The following MTHFD2L variants were observed in gnomAD, a reference collection of about 807,000 sequenced individuals.
The protein encoded by MTHFD2L is methylenetetrahydrofolate dehydrogenase (NADP+ dependent) 2 like.
MTHFD2L carries 29 observed loss-of-function variants against 34.9 expected under a neutral mutation model. The ratio of observed to expected loss-of-function variants is 0.83; its 90% confidence interval spans 0.62 to 1.13. The LOEUF (loss-of-function observed/expected upper bound fraction) is 1.13. MTHFD2L is among the 50% of genes most tolerant of loss of function. MTHFD2L has a pLI of 0.00. For synonymous variants in MTHFD2L, 167 were observed against 155.7 expected, an observed-to-expected ratio of 1.07 and a Z score of -0.54; for missense variants, 481 against 446.5, an observed-to-expected ratio of 1.08 and a Z score of -0.70.
intron 6 of MTHFD2L, among the ~76,000 whole-genome samples, chr4:74,258,226 A>G (rs1744265312): frequency 2.6e-5 from 4 of 152,168 alleles, no homozygotes; most frequent in Admixed American, 2.0e-4. Context: ...TCACCCTTCT[A>G]AGTACGTAGC....
At chr4:74,204,694 T>A (rs1447697350) in intron 5 of MTHFD2L, among the ~76,000 whole-genome samples, 1 of 152,170 alleles carries the variant, frequency 6.6e-6, no homozygotes. Flanking sequence ...AATTATATAT[T>A]TGTCTATAAA....
At chr4:74,167,206 A>G (rs535293843) in intron 1 of MTHFD2L, among the ~76,000 whole-genome samples, 10 of 152,340 alleles carry the variant, frequency 6.6e-5, no homozygotes, top group African/African-American at 2.4e-4. Context: ...TCACCTGCCA[A>G]CTAATCCAAG....
At chr4:74,163,767 A>G (rs772219105) in intron 1 of MTHFD2L, among the ~76,000 whole-genome samples, 1 of 152,252 alleles carries the variant, frequency 6.6e-6, no homozygotes, top group Non-Finnish European at 1.5e-5. Flanking sequence ...AACTCAAGAC[A>G]TCGAAGATAT....
chr4:74,251,118 C>G (rs1743247752), intron 6 of MTHFD2L, among the ~76,000 whole-genome samples: 1 of 152,174 alleles, frequency 6.6e-6, no homozygotes, highest in Admixed American at 6.5e-5. Context: ...AAGATGAACT[C>G]AGACTCATCT....
intron 1 of MTHFD2L, among the ~76,000 whole-genome samples, chr4:74,148,602 C>T (rs907961342): frequency 4.0e-5 from 6 of 151,724 alleles, no homozygotes; most frequent in East Asian, 1.9e-4. Context: ...TGGGCTCAAG[C>T]GATTCATCCA....
chr4:74,163,757 A>G (rs1350671046), intron 1 of MTHFD2L, among the ~76,000 whole-genome samples: 2 of 152,226 alleles, frequency 1.3e-5, no homozygotes, highest in African/African-American at 4.8e-5. Flanking sequence ...CTATTGTACA[A>G]ACTCAAGACA....
chr4:74,253,300 TG>T (rs1165824863), intron 6 of MTHFD2L, among the ~76,000 whole-genome samples: 1 of 152,204 alleles, frequency 6.6e-6, no homozygotes, highest in East Asian at 1.9e-4. Context: ...TAATTATATT[TG>T]GGGTGACATC....
chr4:74,175,951 C>T (rs1259897122), intron 3 of MTHFD2L, among the ~76,000 whole-genome samples: 4 of 151,940 alleles, frequency 2.6e-5, no homozygotes, highest in African/African-American at 9.7e-5. Context: ...ATGGAATGGG[C>T]ATCTTTTCTA....
intron 3 of MTHFD2L, among the ~76,000 whole-genome samples, chr4:74,187,216 A>C (rs900909110): frequency 6.6e-6 from 1 of 152,210 alleles, no homozygotes; most frequent in African/African-American, 2.4e-5. Flanking sequence ...CCAGGAAAAG[A>C]ATCAGTAAGC....
intron 6 of MTHFD2L, 152 bp from the exon 7 acceptor site, chr4:74,281,273 G>A: frequency 1.4e-6 from 1 of 726,866 alleles, no homozygotes; most frequent in Non-Finnish European, 2.1e-6. Flanking sequence ...TATTCTCTCG[G>A]ATCAGAAATC....
chr4:74,164,134 C>G (rs551563987), intron 1 of MTHFD2L, among the ~76,000 whole-genome samples: 21 of 152,290 alleles, frequency 1.4e-4, no homozygotes, highest in African/African-American at 5.1e-4. Flanking sequence ...CCTCAGCCTC[C>G]CAAAGTGCTG....
In MTHFD2L at chr4:74,174,699, G is replaced by A; in HGVS notation, c.328+9G>A. 6.9e-7 allele frequency: 1 copy of A among 1,455,686 alleles called. No individual in the cohort carries two copies. The highest frequency in any genetic ancestry group is 9.1e-7 in the Non-Finnish European group (1 of 1,099,054). 90.2% of individuals were successfully genotyped at this position (1,455,686 alleles called of 1,614,324 possible). ...AGCTGCCTCTGCTGTAGGTGGGTGT[G>A]TGTTTTAGTTGTAATTACTACTAAA... On this transcript the variant is annotated intron_variant, in intron 2 of 7. Coordinates refer to ENST00000325278, the MANE Select transcript of MTHFD2L (RefSeq NM_001144978.3).
At chr4:74,156,191 T>C (rs1414522162), upstream of MTHFD2L, among the ~76,000 whole-genome samples, 1 of 152,132 alleles carries the variant, frequency 6.6e-6, no homozygotes, top group Non-Finnish European at 1.5e-5. Flanking sequence ...TCATACAAAA[T>C]AGTTTCACTG....
At position 74,238,669 on chromosome 4, in the gene MTHFD2L, T is replaced by C. The variant is rs979418688; in HGVS notation, c.805+13275T>C. Among the ~76,000 whole-genome samples the C allele has an allele frequency of 2.6e-5, 4 of 152,008 alleles. No individual in the cohort carries two copies. The South Asian group carries it at 6.2e-4, about 24-fold the overall frequency. ...AGAAAAAAACAACCCCATCAAAAAG[T>C]GGGCAAAGGATATGAACAGACAGTT... On this transcript the variant is annotated intron_variant, in intron 6 of 7. Transcript: ENST00000325278.
At chr4:74,224,098 T>G (rs1171882504) in intron 5 of MTHFD2L, 1 of 152,140 alleles carries the variant, frequency 6.6e-6, no homozygotes, top group African/African-American at 2.4e-5. Flanking sequence ...TCTGACTCCT[T>G]TATTACTTTC....
At position 74,174,592 on chromosome 4, in the gene MTHFD2L, T is replaced by C; in HGVS notation, c.230T>C (p.Leu77Pro). ...CGAGGTGTGGAATCATGGGTTTCCC[T>C]TGGAAACAGAAGACCTCACCTCAGT... ...IQRGVESWVSLGNRRPHLSII... is the reference protein window; with the variant it reads ...IQRGVESWVSPGNRRPHLSII... The change falls in exon 2 of 8, where the codon CTT (leucine) becomes CCT (proline). Residue 77 changes from leucine to proline, a missense_variant. Leu to Pro is a moderately conservative substitution (Grantham distance 98). Coordinates refer to ENST00000325278, the MANE Select transcript of MTHFD2L (RefSeq NM_001144978.3). 1.2e-6 allele frequency: 2 copies of C among 1,608,282 alleles called. No individual in the cohort carries two copies. The highest frequency in any genetic ancestry group is 1.7e-6 in the Non-Finnish European group (2 of 1,177,474).
At chr4:74,288,945 G>A (rs774525504) in intron 7 of MTHFD2L, among the ~76,000 whole-genome samples, 1 of 151,988 alleles carries the variant, frequency 6.6e-6, no homozygotes, top group Non-Finnish European at 1.5e-5. Flanking sequence ...ATCTTCACTG[G>A]CTTATTTTCA....
chr4:74,246,558 C>G (rs1742482785), intron 6 of MTHFD2L, among the ~76,000 whole-genome samples: 1 of 152,148 alleles, frequency 6.6e-6, no homozygotes, highest in Non-Finnish European at 1.5e-5. Flanking sequence ...TTGCCCATGC[C>G]TATGTCCTGA....
At chr4:74,225,973 A>T (rs1739092617) in intron 6 of MTHFD2L, among the ~76,000 whole-genome samples, 2 of 152,136 alleles carry the variant, frequency 1.3e-5, no homozygotes, top group East Asian at 3.9e-4. Flanking sequence ...TCTGGAAGAA[A>T]GTATGACCTA....
Sources: gnomAD v4.1 joint callset for allele counts (sites outside exome capture counted in the v4.1 genomes callset) on GRCh38, gnomAD v4.1.1 for gene constraint, MANE v1.5 for transcripts, NCBI Gene and HGNC (gene_info 2026-07-23, HGNC 2026-07-21) for gene names.